The following RAPGEF1 variants were observed in gnomAD, a reference collection of about 807,000 sequenced individuals.
RAPGEF1 encodes the protein CRK SH3-binding GNRP.
A neutral mutation model predicts 143.3 loss-of-function variants in RAPGEF1; 33 were observed. The observed-to-expected ratio is 0.23, with a 90% CI of 0.17 to 0.31. The LOEUF (loss-of-function observed/expected upper bound fraction) is 0.31. RAPGEF1 is among the 10% of genes least tolerant of loss of function. RAPGEF1 has a pLI of 1.00. For missense variants in RAPGEF1, 1,199 were observed against 1,645.4 expected (o/e 0.73, Z 4.69); for synonymous variants, 629 against 676.5 (o/e 0.93, Z 1.09).
chr9:131,630,118 A>T, intron 6 of RAPGEF1, 118 bp downstream of exon 6: 1 of 823,026 alleles, frequency 1.2e-6, no homozygotes. Flanking sequence ...TGAAAAAGGA[A>T]TATGGGCCTC....
intron 1 of RAPGEF1, among the ~76,000 whole-genome samples, chr9:131,678,798 A>G (rs1832663227): frequency 6.6e-6 from 1 of 152,218 alleles, no homozygotes; most frequent in Non-Finnish European, 1.5e-5. Flanking sequence ...GCCAGCCTCC[A>G]TGATGGGGGG....
chr9:131,664,215 C>G (rs1046945721), intron 1 of RAPGEF1, among the ~76,000 whole-genome samples: 1 of 152,082 alleles, frequency 6.6e-6, no homozygotes, highest in African/African-American at 2.4e-5. Flanking sequence ...CAGAATCACC[C>G]CGTACCTTCC....
At chr9:131,596,401 T>C in intron 16 of RAPGEF1, 28 bp from the exon 17 acceptor site, 1 of 1,610,326 alleles carries the variant, frequency 6.2e-7, no homozygotes, top group South Asian at 1.1e-5. Flanking sequence ...AAGGAAGGTA[T>C]GAGGCAGAGT....
intron 1 of RAPGEF1, among the ~76,000 whole-genome samples, chr9:131,664,441 T>A (rs1830100644): frequency 6.6e-6 from 1 of 152,144 alleles, no homozygotes; most frequent in South Asian, 2.1e-4. Context: ...TAAATATGAG[T>A]GTGTATATAT....
chr9:131,586,367 CA>C (rs1270510581), intron 22 of RAPGEF1, among the ~76,000 whole-genome samples: 1 of 136,334 alleles, frequency 7.3e-6, no homozygotes. Flanking sequence ...CACACACACA[CA>C]CACACCCACC....
At chr9:131,614,341 C>T (rs906557739) in intron 12 of RAPGEF1, among the ~76,000 whole-genome samples, 4 of 152,210 alleles carry the variant, frequency 2.6e-5, no homozygotes, top group Admixed American at 6.5e-5. Context: ...CAACAGGTGC[C>T]GAGAGCCCCA....
At chr9:131,688,681 C>G (rs925078832) in intron 1 of RAPGEF1, among the ~76,000 whole-genome samples, 1 of 152,066 alleles carries the variant, frequency 6.6e-6, no homozygotes, top group African/African-American at 2.4e-5. Flanking sequence ...CCTGTAATCC[C>G]AACACTTTGG....
chr9:131,732,390 A>G (rs34602469), intron 1 of RAPGEF1, among the ~76,000 whole-genome samples: 33,785 of 152,212 alleles, frequency 0.22, 4,314 homozygotes, highest in Non-Finnish European at 0.29. Flanking sequence ...TGCACATCCC[A>G]AAGAACCAGG....
At chr9:131,660,064 C>A (rs376376357) in intron 1 of RAPGEF1, among the ~76,000 whole-genome samples, 2 of 152,196 alleles carry the variant, frequency 1.3e-5, no homozygotes, top group Admixed American at 1.3e-4. Flanking sequence ...GTGATCCGCC[C>A]GCCTCGGCCT....
intron 1 of RAPGEF1, among the ~76,000 whole-genome samples, chr9:131,696,585 G>T (rs375569698): frequency 6.6e-6 from 1 of 152,178 alleles, no homozygotes; most frequent in Non-Finnish European, 1.5e-5. Flanking sequence ...TATCTCCCAA[G>T]TGAGCAACTC....
rs1220104686 is a variant in RAPGEF1, at chr9:131,675,257, A to G, written c.62-24308T>C. 3.9e-5 allele frequency among the ~76,000 whole-genome samples: 6 copies of G among 152,300 alleles called. No homozygotes were observed. In the East Asian group the frequency reaches 9.7e-4, roughly 25 times the overall value. ...AAATGCTCCCAGCAGAGGGATGAGC[A>G]CATCTGGAAGGCCCCAGCCCAGCAG... On this transcript the variant is annotated intron_variant, in intron 1 of 26. Coordinates refer to ENST00000683357, the MANE Select transcript of RAPGEF1 (RefSeq NM_001377935.1). This position sits in a 1 kb window ranked among gnomAD's most constrained non-coding sequence, Gnocchi z 4.6.
chr9:131,710,326 CT>C (rs1271214893), intron 1 of RAPGEF1, among the ~76,000 whole-genome samples: 1 of 152,124 alleles, frequency 6.6e-6, no homozygotes, highest in East Asian at 1.9e-4. Flanking sequence ...AAGAAAACAC[CT>C]TGGGGACAAA....
intron 1 of RAPGEF1, among the ~76,000 whole-genome samples, chr9:131,711,842 CAG>C (rs1476918690): frequency 6.6e-6 from 1 of 152,144 alleles, no homozygotes; most frequent in Non-Finnish European, 1.5e-5. Context: ...CCCACAGAAC[CAG>C]AGAGACCAAG....
intron 17 of RAPGEF1, among the ~76,000 whole-genome samples, 180 bp downstream of exon 17, chr9:131,596,118 T>C (rs1955244180): frequency 6.6e-6 from 1 of 152,102 alleles, no homozygotes; most frequent in Non-Finnish European, 1.5e-5. Flanking sequence ...CGCCTGGAGT[T>C]GAACATGATC....
chr9:131,692,301 G>A (rs1011891197), intron 1 of RAPGEF1, among the ~76,000 whole-genome samples: 20 of 152,198 alleles, frequency 1.3e-4, no homozygotes, highest in Non-Finnish European at 2.4e-4. Flanking sequence ...CTATGTTTCA[G>A]AAGAAAAACT....
At chr9:131,603,879 GC>G (rs1156783754) in intron 14 of RAPGEF1, 81 bp downstream of exon 14, 6 of 813,438 alleles carry the variant, frequency 7.4e-6, no homozygotes, top group Non-Finnish European at 1.7e-6. Context: ...AGAAGCAGGT[GC>G]GGGGGAAGCG....
At chr9:131,735,224 A>T (rs1442052491) in intron 1 of RAPGEF1, among the ~76,000 whole-genome samples, 1 of 152,164 alleles carries the variant, frequency 6.6e-6, no homozygotes, top group Non-Finnish European at 1.5e-5. Context: ...GAAAGGAATG[A>T]GTGACTGAAA....
chr9:131,589,745 G>T (rs745309918), intron 19 of RAPGEF1, 141 bp downstream of exon 19: 1 of 743,660 alleles, frequency 1.3e-6, no homozygotes, highest in Non-Finnish European at 2.3e-6. Context: ...CTGGTCTATC[G>T]GGCACAGGCC....
At chr9:131,629,369 T>C in intron 6 of RAPGEF1, 115 bp from the exon 7 acceptor site, 1 of 1,073,702 alleles carries the variant, frequency 9.3e-7, no homozygotes, top group Non-Finnish European at 1.3e-6. Context: ...GAGGTGGGGC[T>C]GAAGAGCAGG....
Sources: gnomAD v4.1 joint callset for allele counts (sites outside exome capture counted in the v4.1 genomes callset) on GRCh38, gnomAD v4.1.1 for gene constraint, Gnocchi (gnomAD v3.1) non-coding constraint, MANE v1.5 for transcripts, NCBI Gene and HGNC (gene_info 2026-07-23, HGNC 2026-07-21) for gene names.